The following PSD3 variants were observed in gnomAD, a reference collection of about 807,000 sequenced individuals.
The protein encoded by PSD3 is pleckstrin and Sec7 domain containing 3, also known as PH and SEC7 domain-containing protein 3.
Under a neutral mutation model 105.5 loss-of-function variants are expected in PSD3, and 49 were observed. The ratio of observed to expected loss-of-function variants is 0.46; its 90% confidence interval spans 0.37 to 0.59. The LOEUF (loss-of-function observed/expected upper bound fraction) is 0.59. Among genes scored for constraint, PSD3 ranks in the 20% least tolerant of loss-of-function variants. The pLI is 0.00. For synonymous variants in PSD3, 557 were observed against 457.8 expected (o/e 1.22, Z -2.77); for missense variants, 1,561 against 1,263.8 (o/e 1.24, Z -3.57).
chr8:18,799,002 AC>A (rs561608022), intron 8 of PSD3: 59 of 306,284 alleles, frequency 1.9e-4, no homozygotes, highest in African/African-American at 1.2e-3. Flanking sequence ...CAACCAGAAA[AC>A]AAAAATAAGT....
chr8:18,610,791 G>A (rs930300783), intron 11 of PSD3, among the ~76,000 whole-genome samples: 1 of 151,932 alleles, frequency 6.6e-6, no homozygotes, highest in African/African-American at 2.4e-5. Context: ...ATTCCTATAA[G>A]AGGTCTCAAG....
chr8:18,658,880 C>T (rs1809099685), intron 9 of PSD3, among the ~76,000 whole-genome samples: 1 of 152,114 alleles, frequency 6.6e-6, no homozygotes, highest in South Asian at 2.1e-4. Context: ...TCTTTCTACC[C>T]CAACCATCTG....
intron 1 of PSD3, among the ~76,000 whole-genome samples, chr8:18,987,522 C>T (rs570660896): frequency 1.3e-3 from 197 of 152,080 alleles, no homozygotes; most frequent in African/African-American, 4.6e-3. Context: ...CTCCTGACCT[C>T]GTGATCCACC....
Position 18,987,285 on chromosome 8 carries a change from T to A in PSD3, c.21+26278A>T, listed in dbSNP as rs962400526. ...AGAAATTTATTTTCTTTTTTATTTT[T>A]TTTTTTATATATATTTTTTTAAGAC... is the stretch of plus-strand genomic sequence containing the variant. On this transcript the variant is annotated intron_variant, in intron 1 of 15. Coordinates refer to ENST00000327040, the MANE Select transcript of PSD3 (RefSeq NM_015310.4). Among the ~76,000 whole-genome samples, 15 of 150,644 alleles carry A rather than the reference T, an allele frequency of 1.0e-4. 1 individual carries two copies. The highest frequency in any genetic ancestry group is 4.6e-4 in the Admixed American group (7 of 15,142).
intron 9 of PSD3, among the ~76,000 whole-genome samples, chr8:18,761,036 C>T (rs765025277): frequency 2.0e-5 from 3 of 152,140 alleles, no homozygotes; most frequent in Non-Finnish European, 4.4e-5. Flanking sequence ...CTTCAAGATT[C>T]CAGGACCAGT....
chr8:18,912,269 C>T (rs887264294), intron 2 of PSD3, among the ~76,000 whole-genome samples: 1 of 152,100 alleles, frequency 6.6e-6, no homozygotes, highest in Middle Eastern at 3.2e-3. Context: ...GCAGAAAGAA[C>T]AAAAGAGTAT....
At chr8:18,614,864 G>T (rs1269394616) in intron 11 of PSD3, among the ~76,000 whole-genome samples, 1 of 151,242 alleles carries the variant, frequency 6.6e-6, no homozygotes, top group African/African-American at 2.4e-5. Flanking sequence ...TCGAACTGCT[G>T]GGCTTAAGCG....
chr8:18,755,516 G>A (rs761360244), intron 9 of PSD3, among the ~76,000 whole-genome samples: 2 of 149,902 alleles, frequency 1.3e-5, no homozygotes, highest in African/African-American at 2.5e-5. Context: ...ACATTCAAAC[G>A]TCTATGGATG....
chr8:19,044,204 T>G (rs541917384), intron 1 of PSD3, among the ~76,000 whole-genome samples: 1 of 152,358 alleles, frequency 6.6e-6, no homozygotes, highest in South Asian at 2.1e-4. Context: ...CTTTCATTGA[T>G]TGTTCTCTAT....
At chr8:18,612,992 G>A (rs1214693384) in intron 11 of PSD3, among the ~76,000 whole-genome samples, 1 of 151,180 alleles carries the variant, frequency 6.6e-6, no homozygotes, top group East Asian at 1.9e-4. Flanking sequence ...AATTTACATG[G>A]CTTGGGCTGA....
intron 1 of PSD3, among the ~76,000 whole-genome samples, chr8:18,967,162 T>TTA (rs1292239756): frequency 1.3e-5 from 2 of 150,780 alleles, no homozygotes; most frequent in African/African-American, 4.9e-5. Context: ...CTTTATTTAT[T>TTA]TTTTTTTTTT....
chr8:18,637,606 G>A (rs563212832), intron 10 of PSD3, among the ~76,000 whole-genome samples: 7 of 152,252 alleles, frequency 4.6e-5, no homozygotes, highest in African/African-American at 7.2e-5. Context: ...AATGTGAATC[G>A]ATAGTTTGTT....
At chr8:18,614,503 C>T (rs931715755) in intron 11 of PSD3, among the ~76,000 whole-genome samples, 2 of 151,614 alleles carry the variant, frequency 1.3e-5, no homozygotes, top group African/African-American at 4.9e-5. Flanking sequence ...TCGATTATTC[C>T]AATAAGACAT....
chr8:18,774,251 A>G (rs908718480), intron 8 of PSD3, among the ~76,000 whole-genome samples: 3 of 152,216 alleles, frequency 2.0e-5, no homozygotes, highest in African/African-American at 7.2e-5. Context: ...AAACTGAAAC[A>G]TAATAGCTAC....
At chr8:18,964,713 C>A (rs1824134649) in intron 1 of PSD3, among the ~76,000 whole-genome samples, 1 of 152,110 alleles carries the variant, frequency 6.6e-6, no homozygotes. Flanking sequence ...CACAAAAGAT[C>A]CTGCGTCTAC....
At chr8:19,003,766 G>T (rs1367287661) in intron 1 of PSD3, among the ~76,000 whole-genome samples, 1 of 151,844 alleles carries the variant, frequency 6.6e-6, no homozygotes, top group Admixed American at 6.6e-5. Context: ...TTGGGGACTT[G>T]GGTTGTCTTG....
intron 8 of PSD3, among the ~76,000 whole-genome samples, chr8:18,795,701 C>A (rs1361799414): frequency 6.6e-6 from 1 of 152,290 alleles, no homozygotes; most frequent in Middle Eastern, 3.4e-3. Flanking sequence ...ACGGTAGGAA[C>A]CTGACTAAAC....
At chr8:18,682,133 C>T (rs149743321) in intron 9 of PSD3, among the ~76,000 whole-genome samples, 7 of 152,176 alleles carry the variant, frequency 4.6e-5, no homozygotes, top group African/African-American at 1.7e-4. Context: ...TGGATTCCAA[C>T]ATTACACTAC....
chr8:18,948,679 T>A (rs900220546), intron 1 of PSD3, among the ~76,000 whole-genome samples: 1 of 152,168 alleles, frequency 6.6e-6, no homozygotes. Flanking sequence ...ACAAAGAAAT[T>A]GCATAAGCAT....
Sources: allele counts gnomAD v4.1 joint callset (sites outside exome capture counted in the v4.1 genomes callset), GRCh38; gene constraint gnomAD v4.1.1; transcripts MANE v1.5; gene names NCBI Gene and HGNC (gene_info 2026-07-23, HGNC 2026-07-21).